RIN3: variants seen among roughly 807,000 people sequenced by gnomAD.
RIN3 encodes RAB5 interacting protein 3.
Under a neutral mutation model 76.3 loss-of-function variants are expected in RIN3, and 54 were observed. That is an observed-to-expected ratio of 0.71 (90% confidence interval 0.57 to 0.89). RIN3 has a LOEUF of 0.89. Among genes scored for constraint, RIN3 ranks in the 40% least tolerant of loss-of-function variants. The pLI is 0.00. For synonymous variants in RIN3, 576 were observed against 564.0 expected (o/e 1.02, Z -0.30); for missense variants, 1,256 against 1,322.1 (o/e 0.95, Z 0.78).
intron 6 of RIN3, 151 bp downstream of exon 6, chr14:92,653,226 T>C: frequency 1.2e-6 from 1 of 830,280 alleles, no homozygotes; most frequent in Non-Finnish European, 1.8e-6. Context: ...CTCTGGCTGC[T>C]GCAAGGTAGG....
In RIN3 at chr14:92,685,835, C is replaced by T. The variant is rs752745708; in HGVS notation, c.2631+685C>T. 1 of 152,576 alleles carries T rather than the reference C, an allele frequency of 6.6e-6. No homozygotes were observed. The highest frequency in any genetic ancestry group is 2.1e-4 in the South Asian group (1 of 4,840). 9.5% of individuals were successfully genotyped at this position (152,576 alleles called of 1,614,324 possible). A position where few individuals can be genotyped will look rare whatever the true frequency, so the allele number is the denominator to read the frequency against. On this transcript the variant is annotated intron_variant, in intron 9 of 9. Coordinates refer to ENST00000216487, the MANE Select transcript of RIN3 (RefSeq NM_024832.5). This position sits in a 1 kb window ranked among gnomAD's most constrained non-coding sequence, Gnocchi z 4.7. ...CGACTCAGTTTCTCCAACAGCCCCT[C>T]CTCTGAGAAGCCTTCCCTGATACAC... is the stretch of plus-strand genomic sequence containing the variant.
chr14:92,663,532 GAAACC>G (rs919122063), intron 7 of RIN3, among the ~76,000 whole-genome samples: 27 of 152,200 alleles, frequency 1.8e-4, no homozygotes, highest in African/African-American at 6.3e-4. Flanking sequence ...GTCTCCCCCA[GAAACC>G]AGTGGGTTTC....
At chr14:92,655,179 TA>T (rs199940795) in intron 6 of RIN3, among the ~76,000 whole-genome samples, 6,723 of 136,450 alleles carry the variant, frequency 0.049, 511 homozygotes, top group African/African-American at 0.17. Flanking sequence ...AAATAAAAGT[TA>T]AAAAAAAAAA....
chr14:92,605,881 G>A (rs984370580), intron 3 of RIN3, among the ~76,000 whole-genome samples: 7 of 152,160 alleles, frequency 4.6e-5, no homozygotes, highest in Admixed American at 2.0e-4. Flanking sequence ...AGAATTGACC[G>A]TTAATTAAAG....
At position 92,641,310 on chromosome 14, in the gene RIN3, C is replaced by T. The variant is rs1267773066; in HGVS notation, c.513C>T (p.Thr171=). The T allele has an allele frequency of 6.2e-7, 1 of 1,613,964 alleles. No homozygotes were observed. Among genetic ancestry groups the T allele is most frequent in the Admixed American group, 1.7e-5 (1 of 60,026 alleles). Residue 171 remains threonine (T), a synonymous_variant, in exon 5 of 10, where the codon ACC becomes ACT. Transcript: ENST00000216487. ...LEASSFTDLE[T]IANLGLGFWD... is the part of the protein sequence containing the mutation. ...CCAGCAGCTTCACGGACCTTGAGAC[C>T]ATCGCCAACCTGGGTCTGGGTGAGT... is the stretch of plus-strand genomic sequence containing the variant.
chr14:92,637,426 A>G (rs1335208407), intron 4 of RIN3, among the ~76,000 whole-genome samples: 2 of 152,140 alleles, frequency 1.3e-5, no homozygotes, highest in Non-Finnish European at 2.9e-5. Context: ...AGCTGTCAAG[A>G]CAGATGAAGC....
intron 3 of RIN3, among the ~76,000 whole-genome samples, chr14:92,592,929 C>CT (rs980470839): frequency 7.3e-5 from 11 of 151,512 alleles, no homozygotes; most frequent in Admixed American, 4.6e-4. Context: ...CTGCCTCGGC[C>CT]TCCCAAAGTG....
intron 4 of RIN3, among the ~76,000 whole-genome samples, chr14:92,631,785 G>A (rs1016035116): frequency 6.6e-6 from 1 of 151,970 alleles, no homozygotes; most frequent in African/African-American, 2.4e-5. Flanking sequence ...TGTATTTTTA[G>A]TAGAGTCAGG....
At chr14:92,521,166 C>T (rs1450807197) in intron 1 of RIN3, among the ~76,000 whole-genome samples, 1 of 151,774 alleles carries the variant, frequency 6.6e-6, no homozygotes, top group African/African-American at 2.4e-5. Context: ...ACCCATCAAC[C>T]CACCCTTCAT....
Position 92,648,733 on chromosome 14 carries a change from C to CA in RIN3, c.533-2843dup, listed in dbSNP as rs1190944815. On this transcript the variant is annotated intron_variant, in intron 5 of 9. Coordinates refer to ENST00000216487, the MANE Select transcript of RIN3 (RefSeq NM_024832.5). This position sits in a 1 kb window ranked among gnomAD's most constrained non-coding sequence, Gnocchi z 4.1. ...CTCTGAGTCTGGTGGGAAAGTCAGG[C>CA]AAAAAACAGAGAATTACAGTCCCAG... 1.3e-5 allele frequency among the ~76,000 whole-genome samples: 2 copies of CA among 152,058 alleles called. No individual in the cohort carries two copies. Among genetic ancestry groups the CA allele is most frequent in the South Asian group, 2.1e-4 (1 of 4,830 alleles).
rs370829156 is a variant in RIN3, at chr14:92,555,972, C to A, written c.249+17C>A. The A allele has an allele frequency of 1.9e-6, 3 of 1,606,384 alleles. No homozygotes were observed. Among genetic ancestry groups the A allele is most frequent in the South Asian group, 2.2e-5 (2 of 90,838 alleles). On this transcript the variant is annotated intron_variant, in intron 2 of 9. Coordinates refer to ENST00000216487, the MANE Select transcript of RIN3 (RefSeq NM_024832.5). ...GTGGCTGGGGTGAGTGGGGGCGTCTCCCACTTGGTAGGCACACACACCTGT... is the reference window on the plus strand; with the variant it reads ...GTGGCTGGGGTGAGTGGGGGCGTCTACCACTTGGTAGGCACACACACCTGT...
At chr14:92,552,501 C>T (rs1158400962) in intron 1 of RIN3, among the ~76,000 whole-genome samples, 1 of 152,158 alleles carries the variant, frequency 6.6e-6, no homozygotes, top group Non-Finnish European at 1.5e-5. Context: ...GGCCAATGCT[C>T]CCTGTGGCTC....
At chr14:92,637,543 C>G (rs985146285) in intron 4 of RIN3, among the ~76,000 whole-genome samples, 1 of 152,166 alleles carries the variant, frequency 6.6e-6, no homozygotes, top group African/African-American at 2.4e-5. Context: ...CTGGGGTAGA[C>G]AGCAGGACCC....
At position 92,540,173 on chromosome 14, in the gene RIN3, C is replaced by T. The variant is rs573176148; in HGVS notation, c.45-15578C>T. Reference sequence around the variant, plus strand: ...CCAGACCCCTTGATGTGGGCTGTGACGTGTGAGCTGAGGCAGTCTGGCCTG... The same window carrying T: ...CCAGACCCCTTGATGTGGGCTGTGATGTGTGAGCTGAGGCAGTCTGGCCTG... On this transcript the variant is annotated intron_variant, in intron 1 of 9. Coordinates refer to ENST00000216487, the MANE Select transcript of RIN3 (RefSeq NM_024832.5). Among the ~76,000 whole-genome samples the T allele has an allele frequency of 3.3e-5, 5 of 152,322 alleles. No individual in the cohort carries two copies. The East Asian group carries it at 5.8e-4, about 18-fold the overall frequency.
In RIN3 at chr14:92,550,702, C is replaced by T. The variant is rs566280764; in HGVS notation, c.45-5049C>T. Among the ~76,000 whole-genome samples, 35 of 152,316 alleles carry T rather than the reference C, an allele frequency of 2.3e-4. 1 individual carries two copies. The highest frequency in any genetic ancestry group is 1.3e-3 in the East Asian group (7 of 5,192). ...AATCCCAAAATGTTTGGATTACAGG[C>T]GTGAGCCACAGCGCCCAGCTTATTA... On this transcript the variant is annotated intron_variant, in intron 1 of 9. Transcript: ENST00000216487.
chr14:92,521,969 G>T (rs1377942471), intron 1 of RIN3, among the ~76,000 whole-genome samples: 3 of 151,896 alleles, frequency 2.0e-5, no homozygotes, highest in Non-Finnish European at 2.9e-5. Flanking sequence ...GCGTATTGCA[G>T]ATAGGAGAAA....
intron 3 of RIN3, among the ~76,000 whole-genome samples, chr14:92,595,850 G>A (rs761642442): frequency 6.6e-6 from 1 of 152,240 alleles, no homozygotes; most frequent in Non-Finnish European, 1.5e-5. Context: ...GTTGCTCAGT[G>A]TCCAGGCAGC....
At chr14:92,525,418 T>A (rs1896704039) in intron 1 of RIN3, among the ~76,000 whole-genome samples, 1 of 151,506 alleles carries the variant, frequency 6.6e-6, no homozygotes, top group African/African-American at 2.4e-5. Flanking sequence ...CCAAGAACAC[T>A]GGTGCTGAGC....
chr14:92,663,932 G>C (rs1272067094), intron 7 of RIN3, among the ~76,000 whole-genome samples: 1 of 152,182 alleles, frequency 6.6e-6, no homozygotes, highest in Non-Finnish European at 1.5e-5. Flanking sequence ...CTGAGCCTCG[G>C]TTTTCCCACT....
Sources: gnomAD v4.1 joint callset for allele counts (sites outside exome capture counted in the v4.1 genomes callset) on GRCh38, gnomAD v4.1.1 for gene constraint, Gnocchi (gnomAD v3.1) non-coding constraint, MANE v1.5 for transcripts, NCBI Gene and HGNC (gene_info 2026-07-23, HGNC 2026-07-21) for gene names.